The following CRHBP variants were observed in gnomAD, a reference collection of about 807,000 sequenced individuals.
CRHBP encodes corticotropin releasing hormone binding protein, also known as corticotropin-releasing hormone-binding protein.
Under a neutral mutation model 34.9 loss-of-function variants are expected in CRHBP, and 19 were observed. The observed-to-expected ratio is 0.55, with a 90% CI of 0.38 to 0.80. The LOEUF (loss-of-function observed/expected upper bound fraction) is 0.80, where lower values mean the gene tolerates loss of function less well. CRHBP is among the 30% of genes least tolerant of loss of function. The pLI is 0.00. For missense variants in CRHBP, 328 were observed against 409.2 expected, an observed-to-expected ratio of 0.80 and a Z score of 1.71; for synonymous variants, 154 against 153.4, an observed-to-expected ratio of 1.00 and a Z score of -0.03.
intron 2 of CRHBP, among the ~76,000 whole-genome samples, chr5:76,975,100 T>C (rs988462709): frequency 6.6e-6 from 1 of 152,222 alleles, no homozygotes; most frequent in Admixed American, 6.5e-5. Context: ...GTTCCTAGTA[T>C]GAAAATGCAA....
At position 76,975,735 on chromosome 5, in the gene CRHBP, C is replaced by T. The variant is rs527502023; in HGVS notation, n.312-630C>T. The stretch of plus-strand genomic sequence containing the variant: ...AGGAGAATTGCTTGAACCCGGGAGG[C>T]AGAGGTTGCAGTCAGCCGAGATCAC... On this transcript the variant is annotated intron_variant and non_coding_transcript_variant, in intron 2 of 3. Transcript: ENST00000514258. 2.7e-3 allele frequency among the ~76,000 whole-genome samples: 369 copies of T among 135,992 alleles called. 2 individuals carry two copies. Among genetic ancestry groups the T allele is most frequent in the Non-Finnish European group, 4.5e-3 (290 of 64,674 alleles). 89.2% of individuals were successfully genotyped at this position (135,992 alleles called of 152,430 possible).
intron 6 of CRHBP, among the ~76,000 whole-genome samples, chr5:76,965,459 G>A (rs1272617425): frequency 6.6e-6 from 1 of 152,210 alleles, no homozygotes; most frequent in African/African-American, 2.4e-5. Flanking sequence ...CTTGAGCCAT[G>A]GTTTAAACTG....
Position 76,965,014 on chromosome 5 carries a change from T to TA in CRHBP, c.811+1564dup, listed in dbSNP as rs552829744. On this transcript the variant is annotated intron_variant, in intron 6 of 6. Transcript: ENST00000274368. ...AATAAAAAAAAAGAAAAGAATCAGG[T>TA]AAAAAAAAAACACACAAAAAAATAC... is the stretch of plus-strand genomic sequence containing the variant. Among the ~76,000 whole-genome samples the TA allele has an allele frequency of 5.1e-3, 733 of 145,076 alleles. 6 individuals are homozygous for TA. The highest frequency in any genetic ancestry group is 0.014 in the Middle Eastern group (4 of 286).
chr5:76,978,930 C>T (rs1206367712), intron 3 of CRHBP, among the ~76,000 whole-genome samples: 2 of 152,166 alleles, frequency 1.3e-5, no homozygotes, highest in East Asian at 3.8e-4. Context: ...TTGCATGCTA[C>T]AGAGAAATGC....
At chr5:76,955,947 T>A in intron 4 of CRHBP, 84 bp downstream of exon 4, 1 of 1,220,920 alleles carries the variant, frequency 8.2e-7, no homozygotes. Context: ...TTAAAGAAAT[T>A]TGAACTGAGG....
chr5:76,953,766 G>A (rs1478352084), intron 2 of CRHBP, 72 bp downstream of exon 2: 1 of 1,453,514 alleles, frequency 6.9e-7, no homozygotes, highest in Non-Finnish European at 9.4e-7. Context: ...GGGGGCAGAG[G>A]GCTCGCGGAC....
chr5:76,955,462 A>G (rs745776360), intron 3 of CRHBP, among the ~76,000 whole-genome samples, 191 bp from the exon 4 acceptor site: 3 of 152,218 alleles, frequency 2.0e-5, no homozygotes, highest in Non-Finnish European at 4.4e-5. Flanking sequence ...ATTAATTAAT[A>G]CTATTACTTG....
At chr5:76,954,755 G>A (rs954967354) in intron 3 of CRHBP, among the ~76,000 whole-genome samples, 1 of 152,182 alleles carries the variant, frequency 6.6e-6, no homozygotes, top group Non-Finnish European at 1.5e-5. Context: ...GATTGAGATA[G>A]GTGGGAGGGC....
chr5:76,964,566 A>G (rs975774357), intron 6 of CRHBP, among the ~76,000 whole-genome samples: 3 of 152,200 alleles, frequency 2.0e-5, no homozygotes, highest in Non-Finnish European at 2.9e-5. Flanking sequence ...GAAAATATTC[A>G]GCGTAGGCTA....
At chr5:76,963,179 C>T in intron 5 of CRHBP, 164 bp from the exon 6 acceptor site, 2 of 592,766 alleles carry the variant, frequency 3.4e-6, no homozygotes, top group South Asian at 2.6e-5. Flanking sequence ...GATTTTTTCT[C>T]TTTTAAATGT....
chr5:76,964,592 G>A (rs778830361), intron 6 of CRHBP, among the ~76,000 whole-genome samples: 9 of 152,190 alleles, frequency 5.9e-5, no homozygotes, highest in South Asian at 2.1e-4. Flanking sequence ...GGTGTCTCAC[G>A]CCTGTAATCA....
chr5:76,968,673 T>C, intron 6 of CRHBP, 55 bp from the exon 7 acceptor site: 1 of 1,541,704 alleles, frequency 6.5e-7, no homozygotes, highest in Admixed American at 1.9e-5. Flanking sequence ...ATTTAAATGA[T>C]GACTGTGTGG....
rs1367052927 is a variant in CRHBP at position 76,954,079 on chromosome 5, C to T, written c.226C>T (p.Arg76Trp). ...LQGQFTFTAD[R>W]PQLHCAAFFI... ...GGGCCAGTTCACCTTCACCGCCGACCGGCCGCAGCTGCACTGCGCAGCCTT... is the reference window on the plus strand; with the variant it reads ...GGGCCAGTTCACCTTCACCGCCGACTGGCCGCAGCTGCACTGCGCAGCCTT... The change falls in exon 3 of 7, where the codon CGG becomes TGG. Residue 76 changes from arginine to tryptophan, a missense_variant. Arg to Trp is a moderately radical substitution (Grantham distance 101). This residue lies in a region of CRHBP where 173 missense variants were observed against 172.2 expected (regional missense o/e 1.00). Transcript: ENST00000274368. The T allele has an allele frequency of 5.6e-6, 9 of 1,613,966 alleles. No homozygotes were observed. Among genetic ancestry groups the T allele is most frequent in the African/African-American group, 1.3e-5 (1 of 75,052 alleles).
intron 3 of CRHBP, 53 bp from the exon 4 acceptor site, chr5:76,955,600 G>T (rs1745655988): frequency 6.5e-7 from 1 of 1,538,022 alleles, no homozygotes; most frequent in Admixed American, 1.8e-5. Context: ...ACTCATTTCA[G>T]ACTTCAGGAG....
intron 6 of CRHBP, among the ~76,000 whole-genome samples, chr5:76,965,549 A>C (rs1745848591): frequency 6.6e-6 from 1 of 152,206 alleles, no homozygotes; most frequent in Non-Finnish European, 1.5e-5. Context: ...ATTGGAGAGC[A>C]CCTTTGAGGA....
At chr5:76,969,934 CTTTTTTTTTTT>C (rs201228247), downstream of CRHBP, among the ~76,000 whole-genome samples, 180 of 61,622 alleles carry the variant, frequency 2.9e-3, 1 homozygote, top group African/African-American at 0.01. Context: ...AAAGAAAATT[CTTTTTTTTTTT>C]TTTTTTTTTT....
intron 6 of CRHBP, among the ~76,000 whole-genome samples, chr5:76,964,797 A>G (rs2150708308): frequency 6.6e-6 from 1 of 152,292 alleles, no homozygotes; most frequent in Middle Eastern, 3.4e-3. Flanking sequence ...TGGTGGTTAC[A>G]GTGAGCTGAG....
intron 5 of CRHBP, among the ~76,000 whole-genome samples, chr5:76,962,052 C>G (rs1469147228): frequency 6.6e-6 from 1 of 152,160 alleles, no homozygotes; most frequent in Non-Finnish European, 1.5e-5. Flanking sequence ...CCATGCTGGT[C>G]AGTGCCCTTC....
chr5:76,968,298 C>A (rs752468020), intron 6 of CRHBP, among the ~76,000 whole-genome samples: 1 of 150,886 alleles, frequency 6.6e-6, no homozygotes, highest in Non-Finnish European at 1.5e-5. Context: ...TCGGTGACAA[C>A]CAAAAACTGC....
Sources: gnomAD v4.1 joint callset for allele counts (sites outside exome capture counted in the v4.1 genomes callset) on GRCh38, gnomAD v4.1.1 for gene constraint, gnomAD v4.1.1 regional missense constraint, MANE v1.5 for transcripts, NCBI Gene and HGNC (gene_info 2026-07-23, HGNC 2026-07-21) for gene names.